The following PRKCE variants were observed in gnomAD, a reference collection of about 807,000 sequenced individuals.
PRKCE encodes the protein protein kinase C epsilon type.
In PRKCE, 16 loss-of-function variants were observed where a neutral mutation model predicts 85.4. The ratio of observed to expected loss-of-function variants is 0.19; its 90% CI spans 0.13 to 0.28. The LOEUF is 0.28. Ranked by LOEUF, PRKCE falls within the 10% of genes least tolerant of loss-of-function variation. The probability of loss-of-function intolerance (pLI) is 1.00; values close to 1 mark genes in which losing one functional copy is unlikely to be tolerated. For synonymous variants in PRKCE, 388 were observed against 371.5 expected (o/e 1.04, Z -0.51); for missense variants, 573 against 975.2 (o/e 0.59, Z 5.49).
chr2:46,178,880 G>A (rs751450945), intron 14 of PRKCE, among the ~76,000 whole-genome samples: 1 of 152,196 alleles, frequency 6.6e-6, no homozygotes. Context: ...GCATGATCCA[G>A]ACAGTGCCAT....
intron 6 of PRKCE, among the ~76,000 whole-genome samples, chr2:45,995,698 T>C (rs1195406778): frequency 6.6e-6 from 1 of 152,240 alleles, no homozygotes; most frequent in African/African-American, 2.4e-5. Context: ...TCCATTGATC[T>C]ATTTGTCTGT....
At chr2:45,738,489 C>T (rs561639131) in intron 1 of PRKCE, among the ~76,000 whole-genome samples, 1 of 152,190 alleles carries the variant, frequency 6.6e-6, no homozygotes, top group Non-Finnish European at 1.5e-5. Context: ...GATAACCTGT[C>T]TTCAAGGGTC....
intron 1 of PRKCE, among the ~76,000 whole-genome samples, chr2:45,775,901 A>G (rs965437479): frequency 6.6e-6 from 1 of 152,120 alleles, no homozygotes. Flanking sequence ...GCCTCCTTGC[A>G]TCCCTGAGAC....
chr2:45,758,870 C>G (rs1284155413), intron 1 of PRKCE, among the ~76,000 whole-genome samples: 1 of 152,166 alleles, frequency 6.6e-6, no homozygotes, highest in Non-Finnish European at 1.5e-5. Context: ...TCAGCCTCCT[C>G]ACCTGTAAAG....
intron 14 of PRKCE, among the ~76,000 whole-genome samples, chr2:46,175,040 TTCCTTCCTTCCTTGTTTTTCTAAAA>T (rs1050928194): frequency 8.5e-5 from 13 of 152,092 alleles, no homozygotes; most frequent in African/African-American, 2.9e-4. Context: ...CTAAAATTGC[TTCCTTCCTTCCTTGTTTTTCTAAAA>T]TCCTTCCTTC....
At chr2:45,655,697 G>A (rs1675344270) in intron 1 of PRKCE, among the ~76,000 whole-genome samples, 2 of 151,894 alleles carry the variant, frequency 1.3e-5, no homozygotes, top group Admixed American at 6.6e-5. Context: ...CTGGACCTGC[G>A]GTGTGGTGTG....
intron 1 of PRKCE, among the ~76,000 whole-genome samples, chr2:45,715,699 A>C (rs1189540350): frequency 6.6e-6 from 1 of 152,170 alleles, no homozygotes; most frequent in Non-Finnish European, 1.5e-5. Flanking sequence ...GAGCAGGTAA[A>C]GGGGGGATTA....
At chr2:45,735,997 G>A (rs368638542) in intron 1 of PRKCE, among the ~76,000 whole-genome samples, 19 of 152,080 alleles carry the variant, frequency 1.2e-4, no homozygotes, top group East Asian at 3.9e-4. Flanking sequence ...GAGTCTCACC[G>A]TCACCCAGGC....
intron 1 of PRKCE, among the ~76,000 whole-genome samples, chr2:45,741,647 A>T (rs13401175): frequency 1.4e-5 from 2 of 138,130 alleles, no homozygotes; most frequent in African/African-American, 7.1e-5. Context: ...GGCATGTGCA[A>T]GTTTTGGGCC....
chr2:45,771,583 A>C (rs4952770), intron 1 of PRKCE, among the ~76,000 whole-genome samples: 143,487 of 152,192 alleles, frequency 0.94, 67,985 homozygotes, highest in Non-Finnish European at 0.99. Context: ...CCCATTGTGA[A>C]GTGGACTAAA....
chr2:46,085,355 T>G (rs1278575651), intron 10 of PRKCE, among the ~76,000 whole-genome samples: 3 of 152,194 alleles, frequency 2.0e-5, no homozygotes, highest in Non-Finnish European at 4.4e-5. Context: ...CACATTGCAA[T>G]CTATTGGTCT....
At chr2:45,918,758 C>T (rs1698022207) in intron 2 of PRKCE, among the ~76,000 whole-genome samples, 1 of 152,014 alleles carries the variant, frequency 6.6e-6, no homozygotes, top group Admixed American at 6.5e-5. Flanking sequence ...CACCGCAGGG[C>T]TGAGGTTGGC....
At chr2:45,977,365 G>C (rs548657794) in intron 3 of PRKCE, among the ~76,000 whole-genome samples, 2 of 152,106 alleles carry the variant, frequency 1.3e-5, no homozygotes, top group Non-Finnish European at 2.9e-5. Flanking sequence ...GCACAAGTGC[G>C]GTGGCTGATG....
intron 1 of PRKCE, among the ~76,000 whole-genome samples, chr2:45,775,308 T>G (rs1685664252): frequency 2.0e-5 from 3 of 152,158 alleles, no homozygotes. Context: ...CCCGTGTGCA[T>G]GTACACAAGT....
intron 1 of PRKCE, among the ~76,000 whole-genome samples, chr2:45,710,774 ATTGT>A (rs1347221169): frequency 5.3e-5 from 8 of 152,134 alleles, no homozygotes; most frequent in Non-Finnish European, 1.2e-4. Context: ...CTGATATACC[ATTGT>A]TTGCCACCCT....
At chr2:46,020,344 GA>G (rs923511255) in intron 10 of PRKCE, among the ~76,000 whole-genome samples, 2 of 152,128 alleles carry the variant, frequency 1.3e-5, no homozygotes, top group Non-Finnish European at 2.9e-5. Flanking sequence ...AACATTTGAA[GA>G]AAGGATTTCA....
At chr2:45,954,974 A>G (rs1700871692) in intron 2 of PRKCE, among the ~76,000 whole-genome samples, 1 of 152,178 alleles carries the variant, frequency 6.6e-6, no homozygotes, top group African/African-American at 2.4e-5. Flanking sequence ...CAATGGGGGT[A>G]TGGGGTGAGG....
At chr2:45,664,789 G>A (rs1320913276) in intron 1 of PRKCE, among the ~76,000 whole-genome samples, 1 of 152,204 alleles carries the variant, frequency 6.6e-6, no homozygotes, top group Non-Finnish European at 1.5e-5. Flanking sequence ...ATTAGCTTGT[G>A]GGCCTAGTGT....
chr2:45,865,800 T>TTTCTTC lies in PRKCE; in HGVS notation c.412+22749_412+22754dup, dbSNP rs371476589. 7.5e-3 allele frequency among the ~76,000 whole-genome samples: 946 copies of TTTCTTC among 125,920 alleles called. 77 individuals are homozygous for TTTCTTC. Among genetic ancestry groups the TTTCTTC allele is most frequent in the East Asian group, 0.019 (65 of 3,478 alleles). The allele number at this position is 125,920 out of a possible 152,430, so 82.6% of individuals were successfully genotyped here. A position where few individuals can be genotyped will look rare whatever the true frequency, so the allele number is the denominator to read the frequency against. On this transcript the variant is annotated intron_variant, in intron 2 of 14. Coordinates refer to ENST00000306156, the MANE Select transcript of PRKCE (RefSeq NM_005400.3). ...GCCTGCAGAACTCTGAGAAAATAAGTTTCTTCTTCTTCTTCTTTTTTTTTT... is the reference window on the plus strand; with the variant it reads ...GCCTGCAGAACTCTGAGAAAATAAGTTTCTTCTTCTTCTTCTTCTTCTTTTTTTTTT...
Sources: allele counts gnomAD v4.1 joint callset (sites outside exome capture counted in the v4.1 genomes callset), GRCh38; gene constraint gnomAD v4.1.1; transcripts MANE v1.5; gene names NCBI Gene and HGNC (gene_info 2026-07-23, HGNC 2026-07-21).